Variants in ZBTB7C observed in about 807,000 individuals in gnomAD.
The protein encoded by ZBTB7C is zinc finger and BTB domain containing 7C.
In ZBTB7C, 8 loss-of-function variants were observed where a neutral mutation model predicts 25.7. That is an observed-to-expected ratio of 0.31 (90% CI 0.18 to 0.56). The LOEUF (loss-of-function observed/expected upper bound fraction) is 0.56, where lower values mean the gene tolerates loss of function less well. Among genes scored for constraint, ZBTB7C ranks in the 20% least tolerant of loss-of-function variants. ZBTB7C has a pLI of 0.91. For missense variants in ZBTB7C, 824 were observed against 855.2 expected (o/e 0.96, Z 0.46); for synonymous variants, 394 against 369.0 (o/e 1.07, Z -0.78).
intron 1 of ZBTB7C, among the ~76,000 whole-genome samples, chr18:48,400,271 T>C (rs1037751632): frequency 3.9e-5 from 6 of 152,160 alleles, no homozygotes; most frequent in Non-Finnish European, 5.9e-5. Flanking sequence ...CCACACTTTC[T>C]CTCCAAGCTC....
intron 1 of ZBTB7C, among the ~76,000 whole-genome samples, chr18:48,390,062 G>A (rs1276454330): frequency 6.6e-6 from 1 of 152,186 alleles, no homozygotes; most frequent in Non-Finnish European, 1.5e-5. Flanking sequence ...TGGATCGGGA[G>A]CCCTGAACGA....
chr18:48,144,291 T>G (rs150712822), intron 3 of ZBTB7C, among the ~76,000 whole-genome samples: 3 of 110,416 alleles, frequency 2.7e-5, no homozygotes, highest in Non-Finnish European at 4.4e-5. Flanking sequence ...AAAAAAAAAT[T>G]TTTTTTTTCT....
chr18:48,375,870 C>G (rs1201519221), intron 1 of ZBTB7C, among the ~76,000 whole-genome samples: 1 of 152,238 alleles, frequency 6.6e-6, no homozygotes, highest in African/African-American at 2.4e-5. Flanking sequence ...AACTTGAAGA[C>G]TTGGCTTCTG....
chr18:48,131,574 C>T (rs1290448109), intron 3 of ZBTB7C, among the ~76,000 whole-genome samples: 2 of 152,032 alleles, frequency 1.3e-5, no homozygotes, highest in African/African-American at 2.4e-5. Flanking sequence ...TTATCCTATT[C>T]AGTCCCATAG....
At chr18:48,074,414 AG>A (rs1861312918) in intron 3 of ZBTB7C, among the ~76,000 whole-genome samples, 1 of 152,320 alleles carries the variant, frequency 6.6e-6, no homozygotes, top group African/African-American at 2.4e-5. Flanking sequence ...CATGAGAAGC[AG>A]GGACCTCCTC....
chr18:48,153,505 A>G (rs1303333318), intron 3 of ZBTB7C, among the ~76,000 whole-genome samples: 1 of 152,232 alleles, frequency 6.6e-6, no homozygotes, highest in African/African-American at 2.4e-5. Context: ...AGAAAGACCC[A>G]GGGAGCTTCC....
intron 3 of ZBTB7C, among the ~76,000 whole-genome samples, chr18:48,050,762 T>A (rs2036654066): frequency 6.6e-6 from 1 of 152,186 alleles, no homozygotes; most frequent in Non-Finnish European, 1.5e-5. Flanking sequence ...CCCCTACATC[T>A]AAGGTCTGAG....
Position 48,135,756 on chromosome 18 carries a change from C to G in ZBTB7C, c.-17+50178G>C, listed in dbSNP as rs191884524. 4.6e-5 allele frequency among the ~76,000 whole-genome samples: 7 copies of G among 152,266 alleles called. 1 individual carries two copies. Among genetic ancestry groups the G allele is most frequent in the Admixed American group, 1.3e-4 (2 of 15,304 alleles). ...ACCTCCAAGCCAGCGCGCCCCTCCC[C>G]CTTCCAAAAAATCTTCTATCTCATC... On this transcript the variant is annotated intron_variant, in intron 3 of 4. Transcript: ENST00000590800.
intron 2 of ZBTB7C, among the ~76,000 whole-genome samples, chr18:48,291,726 C>A (rs2045234939): frequency 6.6e-6 from 1 of 152,180 alleles, no homozygotes; most frequent in Non-Finnish European, 1.5e-5. Flanking sequence ...TTCCAGTGCT[C>A]TTGACCAAAG....
chr18:48,322,429 T>TATAGGGAAACA (rs1162393743), intron 2 of ZBTB7C, among the ~76,000 whole-genome samples: 19 of 152,150 alleles, frequency 1.2e-4, no homozygotes. Flanking sequence ...TAGGAAACAC[T>TATAGGGAAACA]GTGCTATAGC....
intron 3 of ZBTB7C, among the ~76,000 whole-genome samples, chr18:48,121,589 G>T (rs960157513): frequency 2.0e-5 from 3 of 152,094 alleles, no homozygotes; most frequent in African/African-American, 7.2e-5. Context: ...CTCTATGAGG[G>T]TGTCTCCCTA....
intron 2 of ZBTB7C, among the ~76,000 whole-genome samples, chr18:48,289,417 T>C (rs1391659584): frequency 6.6e-6 from 1 of 151,940 alleles, no homozygotes; most frequent in Non-Finnish European, 1.5e-5. Flanking sequence ...TGAAAAATAA[T>C]GAGACAGATC....
chr18:48,280,406 A>T (rs2044801789), intron 2 of ZBTB7C, among the ~76,000 whole-genome samples: 1 of 152,182 alleles, frequency 6.6e-6, no homozygotes, highest in Non-Finnish European at 1.5e-5. Flanking sequence ...TGCTTCCCTG[A>T]AGGCACTAAC....
chr18:48,111,650 G>A (rs2039244732), intron 3 of ZBTB7C, among the ~76,000 whole-genome samples: 1 of 152,182 alleles, frequency 6.6e-6, no homozygotes, highest in Non-Finnish European at 1.5e-5. Flanking sequence ...ATGTGATGAG[G>A]GGCCCAGAGG....
Position 48,131,050 on chromosome 18 carries a change from C to T in ZBTB7C, c.-17+54884G>A, listed in dbSNP as rs771476101. 2.0e-5 allele frequency among the ~76,000 whole-genome samples: 3 copies of T among 152,110 alleles called. No homozygotes were observed. In the South Asian group the frequency reaches 6.2e-4, roughly 32 times the overall value. On this transcript the variant is annotated intron_variant, in intron 3 of 4. Transcript: ENST00000590800. ...TCCCTAGTAGCTGGGATTACAGGTG[C>T]GTGCCACCACGCCTAGCTAATTTTT...
At chr18:48,309,369 C>T (rs2045756925) in intron 2 of ZBTB7C, among the ~76,000 whole-genome samples, 1 of 152,222 alleles carries the variant, frequency 6.6e-6, no homozygotes, top group Non-Finnish European at 1.5e-5. Flanking sequence ...TCTTTAAAAG[C>T]TACTGCTGCC....
At chr18:48,135,642 C>G (rs1316290357) in intron 3 of ZBTB7C, among the ~76,000 whole-genome samples, 1 of 152,086 alleles carries the variant, frequency 6.6e-6, no homozygotes, top group Non-Finnish European at 1.5e-5. Flanking sequence ...GGTTCCTGAG[C>G]CTTTCTAAGC....
At chr18:48,276,207 C>A (rs1423196863) in intron 2 of ZBTB7C, among the ~76,000 whole-genome samples, 1 of 151,736 alleles carries the variant, frequency 6.6e-6, no homozygotes, top group Non-Finnish European at 1.5e-5. Flanking sequence ...TTCCTCTTCT[C>A]ATTTTCTTGT....
chr18:48,240,518 T>G (rs545202501), intron 2 of ZBTB7C, among the ~76,000 whole-genome samples: 1 of 152,312 alleles, frequency 6.6e-6, no homozygotes, highest in African/African-American at 2.4e-5. Flanking sequence ...GCCTACAGGT[T>G]AGAAGGGATT....
Sources: gnomAD v4.1 joint callset for allele counts (sites outside exome capture counted in the v4.1 genomes callset) on GRCh38, gnomAD v4.1.1 for gene constraint, MANE v1.5 for transcripts, NCBI Gene and HGNC (gene_info 2026-07-23, HGNC 2026-07-21) for gene names.